Variants in ASTN2 observed in about 807,000 individuals in gnomAD.
The protein encoded by ASTN2 is astrotactin-2.
ASTN2 carries 54 observed loss-of-function variants against 139.8 expected under a neutral mutation model. The observed-to-expected ratio is 0.39, with a 90% CI of 0.31 to 0.48. ASTN2 has a LOEUF of 0.48. Ranked by LOEUF, ASTN2 falls within the 20% of genes least tolerant of loss-of-function variation. The pLI is 0.95. For synonymous variants in ASTN2, 756 were observed against 719.5 expected (o/e 1.05, Z -0.81); for missense variants, 1,565 against 1,725.1 (o/e 0.91, Z 1.64).
At chr9:117,005,897 C>T (rs1238886505) in intron 7 of ASTN2, among the ~76,000 whole-genome samples, 1 of 152,038 alleles carries the variant, frequency 6.6e-6, no homozygotes, top group Non-Finnish European at 1.5e-5. Context: ...TGAATCTGTG[C>T]CTTCTGTTTG....
intron 5 of ASTN2, among the ~76,000 whole-genome samples, chr9:117,091,483 A>T (rs1463167345): frequency 1.3e-5 from 2 of 152,214 alleles, no homozygotes; most frequent in Non-Finnish European, 2.9e-5. Context: ...GGTACAGCAC[A>T]GCATCTGGTA....
intron 19 of ASTN2, among the ~76,000 whole-genome samples, chr9:116,552,528 A>C (rs1179906280): frequency 6.6e-6 from 1 of 152,220 alleles, no homozygotes. Flanking sequence ...GTATGCCTAC[A>C]GTCTAATAAC....
intron 7 of ASTN2, among the ~76,000 whole-genome samples, chr9:116,989,421 A>G (rs1457509112): frequency 1.3e-5 from 2 of 152,082 alleles, no homozygotes; most frequent in Non-Finnish European, 2.9e-5. Context: ...CTCAGCCTCA[A>G]TTGCAGGCAG....
intron 16 of ASTN2, among the ~76,000 whole-genome samples, chr9:116,654,774 T>C (rs2131938159): frequency 6.6e-6 from 1 of 152,346 alleles, no homozygotes; most frequent in South Asian, 2.1e-4. Context: ...ATGATCCCCA[T>C]AGCACCTTGC....
chr9:116,601,003 T>C (rs1245109564), intron 19 of ASTN2, among the ~76,000 whole-genome samples: 1 of 152,222 alleles, frequency 6.6e-6, no homozygotes, highest in African/African-American at 2.4e-5. Context: ...GAGAAGCTAA[T>C]ATTTTAGTGA....
chr9:116,737,974 C>T (rs1275521387), intron 13 of ASTN2, among the ~76,000 whole-genome samples: 1 of 151,492 alleles, frequency 6.6e-6, no homozygotes. Flanking sequence ...GGGCGGATCA[C>T]GAGGTCAGGA....
At position 116,953,520 on chromosome 9, in the gene ASTN2, G is replaced by A. The variant is rs138537141; in HGVS notation, c.1889+21688C>T. Among the ~76,000 whole-genome samples, 647 of 152,310 alleles carry A rather than the reference G, an allele frequency of 4.2e-3. 4 individuals carry two copies. Among genetic ancestry groups the A allele is most frequent in the African/African-American group, 0.014 (576 of 41,576 alleles). ...TCATTTTTGCATCCTCAGTTTCCAA[G>A]TTAATTTTCTAGCTCCTGGTTAGGA... On this transcript the variant is annotated intron_variant, in intron 10 of 22. Transcript: ENST00000313400.
intron 1 of ASTN2, among the ~76,000 whole-genome samples, chr9:117,351,772 G>A (rs1829397553): frequency 6.6e-6 from 1 of 152,016 alleles, no homozygotes; most frequent in Admixed American, 6.6e-5. Flanking sequence ...CTTCATGTGT[G>A]CTTTAGATGC....
chr9:117,300,915 C>T (rs759479027), intron 1 of ASTN2, among the ~76,000 whole-genome samples: 5 of 152,186 alleles, frequency 3.3e-5, no homozygotes, highest in Non-Finnish European at 5.9e-5. Context: ...CTCATCTCTG[C>T]CTCTGCCTCC....
intron 16 of ASTN2, among the ~76,000 whole-genome samples, chr9:116,688,641 C>CT (rs1177094261): frequency 6.8e-6 from 1 of 146,820 alleles, no homozygotes; most frequent in South Asian, 2.1e-4. Context: ...CACCGGTCCC[C>CT]CGGCCCACTG....
chr9:117,252,938 A>ATAT (rs1833578012), intron 2 of ASTN2, among the ~76,000 whole-genome samples: 1 of 151,818 alleles, frequency 6.6e-6, no homozygotes, highest in African/African-American at 2.4e-5. Flanking sequence ...ACTATGTTAT[A>ATAT]TGTTGTTGTT....
intron 1 of ASTN2, among the ~76,000 whole-genome samples, chr9:117,398,507 C>G (rs1830738666): frequency 6.6e-6 from 1 of 152,196 alleles, no homozygotes; most frequent in Non-Finnish European, 1.5e-5. Flanking sequence ...TGGAGGCCAG[C>G]TATAGAAACC....
intron 17 of ASTN2, among the ~76,000 whole-genome samples, chr9:116,649,838 A>G (rs1857809596): frequency 6.6e-6 from 1 of 152,162 alleles, no homozygotes; most frequent in South Asian, 2.1e-4. Flanking sequence ...CCCACAGGAT[A>G]GGGTCAAAAT....
intron 1 of ASTN2, among the ~76,000 whole-genome samples, chr9:117,366,287 ATAATT>A (rs1423475600): frequency 3.3e-5 from 5 of 152,192 alleles, no homozygotes; most frequent in Non-Finnish European, 5.9e-5. Flanking sequence ...ATAAATATTA[ATAATT>A]TAATAAGTAA....
Position 117,180,901 on chromosome 9 carries a change from A to G in ASTN2, c.1015+33457T>C, listed in dbSNP as rs970305477. The G allele has an allele frequency of 8.2e-6, 13 of 1,591,358 alleles. No homozygotes were observed. In the East Asian group the frequency reaches 1.3e-4, roughly 16 times the overall value. ...GAACTTGGCCCTGCGCAGGGCCTCA[A>G]TTACATGCTCCTTGTTCTGCAGCTT... On this transcript the variant is annotated intron_variant, in intron 3 of 22. Coordinates refer to ENST00000313400, the MANE Select transcript of ASTN2 (RefSeq NM_001365068.1).
At chr9:116,966,822 T>G (rs1478447299) in intron 10 of ASTN2, among the ~76,000 whole-genome samples, 2 of 152,122 alleles carry the variant, frequency 1.3e-5, no homozygotes, top group Non-Finnish European at 2.9e-5. Flanking sequence ...TATTTCACCT[T>G]CCACTTGCAT....
intron 2 of ASTN2, among the ~76,000 whole-genome samples, chr9:117,252,670 G>A (rs1833571659): frequency 6.6e-6 from 1 of 152,188 alleles, no homozygotes; most frequent in Non-Finnish European, 1.5e-5. Context: ...AATTCTATGA[G>A]GCAGTTATCA....
At chr9:117,107,357 C>T (rs917929205) in intron 4 of ASTN2, among the ~76,000 whole-genome samples, 7 of 152,008 alleles carry the variant, frequency 4.6e-5, no homozygotes, top group African/African-American at 1.7e-4. Flanking sequence ...CAAAGGGTTT[C>T]GACATAGTTA....
intron 3 of ASTN2, among the ~76,000 whole-genome samples, chr9:117,187,195 G>A (rs1252606747): frequency 6.6e-6 from 1 of 152,136 alleles, no homozygotes; most frequent in Non-Finnish European, 1.5e-5. Context: ...ATGTGTGTAT[G>A]ATTATGTACA....
Sources: allele counts gnomAD v4.1 joint callset (sites outside exome capture counted in the v4.1 genomes callset), GRCh38; gene constraint gnomAD v4.1.1; transcripts MANE v1.5; gene names NCBI Gene and HGNC (gene_info 2026-07-23, HGNC 2026-07-21).